Variants in RBFOX1 observed in about 807,000 individuals in gnomAD.
The protein encoded by RBFOX1 is RNA binding fox-1 homolog 1, also known as RNA binding protein fox-1 homolog 1.
Under a neutral mutation model 57.7 loss-of-function variants are expected in RBFOX1, and 8 were observed. The ratio of observed to expected loss-of-function variants is 0.14; its 90% confidence interval spans 0.08 to 0.25. RBFOX1 has a LOEUF of 0.25. Among genes scored for constraint, RBFOX1 ranks in the 10% least tolerant of loss-of-function variants. The pLI is 1.00. For missense variants in RBFOX1, 611 were observed against 548.5 expected, an observed-to-expected ratio of 1.11 and a Z score of -1.14; for synonymous variants, 326 against 222.4, an observed-to-expected ratio of 1.47 and a Z score of -4.15.
At chr16:5,343,815 A>G (rs2065084902) in intron 1 of RBFOX1, among the ~76,000 whole-genome samples, 1 of 152,174 alleles carries the variant, frequency 6.6e-6, no homozygotes, top group Admixed American at 6.5e-5. Flanking sequence ...ATATGATGGC[A>G]CCTGTATTCT....
intron 11 of RBFOX1, among the ~76,000 whole-genome samples, chr16:7,644,093 G>A (rs931061791): frequency 6.6e-6 from 1 of 152,184 alleles, no homozygotes; most frequent in African/African-American, 2.4e-5. Flanking sequence ...AGTAGAAGTA[G>A]AAAGCTTTTC....
intron 2 of RBFOX1, among the ~76,000 whole-genome samples, chr16:6,512,217 G>C (rs2096268691): frequency 7.2e-6 from 1 of 139,270 alleles, no homozygotes; most frequent in Non-Finnish European, 1.5e-5. Flanking sequence ...CCAGGAGGTT[G>C]AGGCTGCAGT....
intron 3 of RBFOX1, among the ~76,000 whole-genome samples, chr16:6,738,591 A>G (rs563005992): frequency 3.9e-5 from 6 of 152,332 alleles, no homozygotes; most frequent in East Asian, 1.9e-4. Context: ...ACTGTATAGG[A>G]CATAAGGAAG....
At chr16:6,360,583 T>C (rs927304866) in intron 2 of RBFOX1, among the ~76,000 whole-genome samples, 2 of 152,186 alleles carry the variant, frequency 1.3e-5, no homozygotes. Flanking sequence ...TCATCCAATA[T>C]TATTATGGAG....
At chr16:6,272,528 A>T (rs2075319357) in intron 1 of RBFOX1, among the ~76,000 whole-genome samples, 1 of 152,200 alleles carries the variant, frequency 6.6e-6, no homozygotes, top group Non-Finnish European at 1.5e-5. Context: ...GGATAAACAG[A>T]TTTAATAGAA....
chr16:6,235,224 C>T (rs1458600253), intron 1 of RBFOX1, among the ~76,000 whole-genome samples: 1 of 152,080 alleles, frequency 6.6e-6, no homozygotes. Context: ...TTGTTTTCAC[C>T]CTTCTTCCAT....
intron 4 of RBFOX1, among the ~76,000 whole-genome samples, chr16:7,305,489 A>G (rs1159688696): frequency 1.3e-5 from 2 of 152,076 alleles, no homozygotes; most frequent in African/African-American, 4.8e-5. Context: ...CTATTCTATG[A>G]AGGTTTACAG....
At chr16:7,450,570 A>G (rs1337956181) in intron 4 of RBFOX1, among the ~76,000 whole-genome samples, 1 of 152,094 alleles carries the variant, frequency 6.6e-6, no homozygotes, top group African/African-American at 2.4e-5. Flanking sequence ...ATGCTGCGTG[A>G]GTGTCTTAAG....
chr16:6,589,094 T>G (rs963151626), intron 2 of RBFOX1, among the ~76,000 whole-genome samples: 2 of 79,858 alleles, frequency 2.5e-5, no homozygotes, highest in Non-Finnish European at 6.2e-5. Context: ...TATCATTCCA[T>G]CTATATTACA....
At chr16:6,831,662 A>G (rs2092716232) in intron 3 of RBFOX1, among the ~76,000 whole-genome samples, 1 of 152,178 alleles carries the variant, frequency 6.6e-6, no homozygotes, top group South Asian at 2.1e-4. Flanking sequence ...TTTTAATACA[A>G]AGATGATAAC....
intron 3 of RBFOX1, among the ~76,000 whole-genome samples, chr16:5,815,736 C>G (rs1030060252): frequency 6.6e-6 from 1 of 152,166 alleles, no homozygotes; most frequent in African/African-American, 2.4e-5. Flanking sequence ...CAATACAATG[C>G]ACTTTAATAA....
intron 2 of RBFOX1, among the ~76,000 whole-genome samples, chr16:6,601,532 T>C (rs896834150): frequency 1.3e-5 from 2 of 152,114 alleles, no homozygotes; most frequent in African/African-American, 2.4e-5. Context: ...ATTCTACTCA[T>C]AGTTTTGCAA....
At chr16:6,685,757 T>A (rs1303632908) in intron 3 of RBFOX1, among the ~76,000 whole-genome samples, 1 of 152,112 alleles carries the variant, frequency 6.6e-6, no homozygotes, top group African/African-American at 2.4e-5. Context: ...TCTGCCCCTA[T>A]CCTTTTTCCC....
chr16:6,555,261 A>G (rs2097076942), intron 2 of RBFOX1, among the ~76,000 whole-genome samples: 1 of 152,202 alleles, frequency 6.6e-6, no homozygotes, highest in Non-Finnish European at 1.5e-5. Context: ...CTCTTTAATT[A>G]ATTTCCTTTC....
chr16:6,218,416 C>T (rs2097350344), intron 1 of RBFOX1, among the ~76,000 whole-genome samples: 1 of 152,130 alleles, frequency 6.6e-6, no homozygotes, highest in South Asian at 2.1e-4. Flanking sequence ...TCAAGTGATT[C>T]TTGTGCCTTA....
intron 3 of RBFOX1, among the ~76,000 whole-genome samples, chr16:6,886,875 C>G (rs1367925941): frequency 6.6e-6 from 1 of 152,030 alleles, no homozygotes; most frequent in Non-Finnish European, 1.5e-5. Flanking sequence ...GAGATGCTTC[C>G]GAAATTTTGT....
At chr16:6,552,799 G>C (rs1599636271) in intron 2 of RBFOX1, among the ~76,000 whole-genome samples, 1 of 151,868 alleles carries the variant, frequency 6.6e-6, no homozygotes, top group African/African-American at 2.4e-5. Flanking sequence ...TATGTGGTAT[G>C]TATGAATGTA....
intron 2 of RBFOX1, among the ~76,000 whole-genome samples, chr16:6,594,667 C>G (rs2097759357): frequency 6.8e-6 from 1 of 147,978 alleles, no homozygotes; most frequent in Admixed American, 6.9e-5. Context: ...TTGTACAACT[C>G]AAGGGACCCA....
intron 2 of RBFOX1, among the ~76,000 whole-genome samples, chr16:5,554,475 TACAA>T (rs1219868893): frequency 6.6e-6 from 1 of 152,116 alleles, no homozygotes; most frequent in Non-Finnish European, 1.5e-5. Flanking sequence ...AATGGAAAAA[TACAA>T]ACCATATAAA....
Sources: allele counts gnomAD v4.1 joint callset (sites outside exome capture counted in the v4.1 genomes callset), GRCh38; gene constraint gnomAD v4.1.1; transcripts MANE v1.5; gene names NCBI Gene and HGNC (gene_info 2026-07-23, HGNC 2026-07-21).